The following CDYL2 variants were observed in gnomAD, a reference collection of about 807,000 sequenced individuals.
CDYL2 encodes the protein chromodomain Y-like protein 2.
In CDYL2, 23 loss-of-function variants were observed where a neutral mutation model predicts 49.4. That is an observed-to-expected ratio of 0.47 (90% CI 0.34 to 0.66). CDYL2 has a LOEUF of 0.66. Among genes scored for constraint, CDYL2 ranks in the 30% least tolerant of loss-of-function variants. The probability of loss-of-function intolerance (pLI) is 0.01; values close to 1 mark genes in which losing one functional copy is unlikely to be tolerated. For synonymous variants in CDYL2, 360 were observed against 268.8 expected (o/e 1.34, Z -3.32); for missense variants, 678 against 656.4 (o/e 1.03, Z -0.36).
intron 2 of CDYL2, among the ~76,000 whole-genome samples, chr16:80,640,610 G>T (rs1344800899): frequency 6.6e-6 from 1 of 152,092 alleles, no homozygotes; most frequent in African/African-American, 2.4e-5. Flanking sequence ...TAAGGCACCA[G>T]GTACTAACCC....
chr16:80,706,596 C>T (rs1032247585), intron 1 of CDYL2, among the ~76,000 whole-genome samples: 1 of 152,138 alleles, frequency 6.6e-6, no homozygotes, highest in Non-Finnish European at 1.5e-5. Flanking sequence ...GCCACCAAGC[C>T]GCTAGGGGCA....
chr16:80,642,903 T>A (rs554228645), intron 2 of CDYL2, among the ~76,000 whole-genome samples: 1 of 152,274 alleles, frequency 6.6e-6, no homozygotes, highest in African/African-American at 2.4e-5. Context: ...AACCATATTA[T>A]TCCACCCCCA....
chr16:80,787,043 A>G (rs549870050), intron 1 of CDYL2, among the ~76,000 whole-genome samples: 27 of 152,140 alleles, frequency 1.8e-4, no homozygotes, highest in Non-Finnish European at 3.8e-4. Flanking sequence ...TATTCTGCAC[A>G]TGTAACCCAG....
At chr16:80,794,657 G>C (rs1337857144) in intron 1 of CDYL2, among the ~76,000 whole-genome samples, 1 of 138,800 alleles carries the variant, frequency 7.2e-6, no homozygotes, top group Non-Finnish European at 1.5e-5. Flanking sequence ...TGTTGCCCAG[G>C]CTGGAGTGCA....
rs1905936456 is a variant in CDYL2 at position 80,598,506 on chromosome 16, G to C, written c.*5882C>G. ...CTCACACCTAACAGGAATTAGAATG[G>C]GTCAATGAAGAACAAAAGGAGGCAG... On this transcript the variant is annotated 3_prime_UTR_variant, in exon 7 of 7. Coordinates refer to ENST00000570137, the MANE Select transcript of CDYL2 (RefSeq NM_152342.4). 6.6e-6 allele frequency: 1 copy of C among 152,044 alleles called. No homozygotes were observed. The highest frequency in any genetic ancestry group is 2.1e-4 in the South Asian group (1 of 4,812). The allele number at this position is 152,044 out of a possible 1,614,324, so 9.4% of individuals were successfully genotyped here. A position where few individuals can be genotyped will look rare whatever the true frequency, so the allele number is the denominator to read the frequency against.
intron 1 of CDYL2, among the ~76,000 whole-genome samples, chr16:80,712,191 G>GTATATATA (rs60399715): frequency 3.7e-4 from 40 of 107,932 alleles, no homozygotes; most frequent in East Asian, 1.7e-3. Context: ...GTCTGTGTGT[G>GTATATATA]TATATATATA....
At chr16:80,632,171 C>T (rs1465207134) in intron 3 of CDYL2, among the ~76,000 whole-genome samples, 2 of 151,800 alleles carry the variant, frequency 1.3e-5, no homozygotes, top group Non-Finnish European at 2.9e-5. Context: ...AGCCAAAAGT[C>T]GAACAAATAG....
chr16:80,767,320 T>A (rs756567165), intron 1 of CDYL2, among the ~76,000 whole-genome samples: 6 of 152,224 alleles, frequency 3.9e-5, no homozygotes, highest in Non-Finnish European at 8.8e-5. Flanking sequence ...AGAAAAGTTC[T>A]CTGAGCCTAT....
At chr16:80,616,858 G>C (rs368288933) in intron 4 of CDYL2, among the ~76,000 whole-genome samples, 2 of 152,194 alleles carry the variant, frequency 1.3e-5, no homozygotes, top group South Asian at 2.1e-4. Context: ...CACCAGTGAG[G>C]CCAGTACCAT....
At chr16:80,780,327 C>T (rs1907221392) in intron 1 of CDYL2, among the ~76,000 whole-genome samples, 1 of 151,414 alleles carries the variant, frequency 6.6e-6, no homozygotes. Context: ...CCCTTCACAC[C>T]AATCTCATTT....
At chr16:80,730,822 G>C (rs1431351889) in intron 1 of CDYL2, among the ~76,000 whole-genome samples, 1 of 152,200 alleles carries the variant, frequency 6.6e-6, no homozygotes, top group Non-Finnish European at 1.5e-5. Context: ...ATGAATCTCA[G>C]AGTAATTATA....
intron 2 of CDYL2, among the ~76,000 whole-genome samples, chr16:80,661,783 T>TTCACGATGTTA (rs1909053958): frequency 6.6e-6 from 1 of 152,184 alleles, no homozygotes; most frequent in African/African-American, 2.4e-5. Context: ...CAGAGCTCAT[T>TTCACGATGTTA]TCACTATGTT....
At chr16:80,780,958 G>A (rs1325794144) in intron 1 of CDYL2, among the ~76,000 whole-genome samples, 1 of 152,176 alleles carries the variant, frequency 6.6e-6, no homozygotes, top group Non-Finnish European at 1.5e-5. Context: ...AGTAAGAACA[G>A]CAAGCTTTGT....
In CDYL2 at chr16:80,804,277, G is replaced by A; in HGVS notation, c.-104C>T. On this transcript the variant is annotated 5_prime_UTR_variant, in exon 1 of 7. Coordinates refer to ENST00000570137, the MANE Select transcript of CDYL2 (RefSeq NM_152342.4). ...TGTGCGCGTGTGTGTGCGCGCGTGT[G>A]TGTGCGAGTGTGTGTGGTGTGTTGA... 2 of 1,019,714 alleles carry A rather than the reference G, an allele frequency of 2.0e-6. No individual in the cohort carries two copies. Among genetic ancestry groups the A allele is most frequent in the African/African-American group, 1.7e-5 (1 of 57,824 alleles). The allele number at this position is 1,019,714 out of a possible 1,614,324, so 63.2% of individuals were successfully genotyped here.
In CDYL2 at chr16:80,613,947, C is replaced by T. The variant is rs144321830; in HGVS notation, c.1008-1111G>A. Among the ~76,000 whole-genome samples the T allele has an allele frequency of 4.9e-3, 744 of 152,314 alleles. 3 individuals carry two copies. The highest frequency in any genetic ancestry group is 0.017 in the African/African-American group (687 of 41,572). ...ATCACTCTTGCCCCTGCTCACTGTGCATGAGCCACATGGGCCTCTGAGAGT... is the reference window on the plus strand; with the variant it reads ...ATCACTCTTGCCCCTGCTCACTGTGTATGAGCCACATGGGCCTCTGAGAGT... On this transcript the variant is annotated intron_variant, in intron 4 of 6. Coordinates refer to ENST00000570137, the MANE Select transcript of CDYL2 (RefSeq NM_152342.4).
intron 1 of CDYL2, among the ~76,000 whole-genome samples, chr16:80,686,108 G>A (rs780002140): frequency 1.3e-5 from 2 of 152,200 alleles, no homozygotes; most frequent in South Asian, 2.1e-4. Context: ...GCTCGCAGGC[G>A]ATACTGGTGG....
chr16:80,625,794 A>G (rs981938655), intron 3 of CDYL2, among the ~76,000 whole-genome samples: 1 of 152,232 alleles, frequency 6.6e-6, no homozygotes, highest in African/African-American at 2.4e-5. Context: ...AGAAGGTAGC[A>G]GAATACAATT....
At chr16:80,754,089 G>C (rs1259165979) in intron 1 of CDYL2, among the ~76,000 whole-genome samples, 1 of 152,174 alleles carries the variant, frequency 6.6e-6, no homozygotes, top group Non-Finnish European at 1.5e-5. Context: ...TTTGAAGGAA[G>C]TGTAAATTTT....
At chr16:80,798,816 C>CATAA (rs1907841554) in intron 1 of CDYL2, among the ~76,000 whole-genome samples, 1 of 3,396 alleles carries the variant, frequency 2.9e-4, no homozygotes, top group South Asian at 0.013. Flanking sequence ...GTAAGATATG[C>CATAA]AAATACATAA....
Sources: allele counts gnomAD v4.1 joint callset (sites outside exome capture counted in the v4.1 genomes callset), GRCh38; gene constraint gnomAD v4.1.1; transcripts MANE v1.5; gene names NCBI Gene and HGNC (gene_info 2026-07-23, HGNC 2026-07-21).